Variants in GRID2 observed in about 807,000 individuals in gnomAD.
GRID2 encodes the protein glutamate ionotropic receptor delta type subunit 2.
Under a neutral mutation model 114.8 loss-of-function variants are expected in GRID2, and 33 were observed. The observed-to-expected ratio is 0.29, with a 90% CI of 0.22 to 0.38. The LOEUF (loss-of-function observed/expected upper bound fraction) is 0.38, where lower values mean the gene tolerates loss of function less well. Among genes scored for constraint, GRID2 ranks in the 10% least tolerant of loss-of-function variants. The probability of loss-of-function intolerance (pLI) is 1.00; values close to 1 mark genes in which losing one functional copy is unlikely to be tolerated. For missense variants in GRID2, 1,184 were observed against 1,257.7 expected (o/e 0.94, Z 0.89); for synonymous variants, 505 against 449.9 (o/e 1.12, Z -1.55).
chr4:93,056,689 G>T (rs1022343242), intron 2 of GRID2, among the ~76,000 whole-genome samples: 4 of 151,960 alleles, frequency 2.6e-5, no homozygotes, highest in African/African-American at 9.6e-5. Context: ...ATTCGTGCAT[G>T]ATAAATATAT....
At chr4:92,758,426 T>G (rs1222400120) in intron 2 of GRID2, among the ~76,000 whole-genome samples, 1 of 152,166 alleles carries the variant, frequency 6.6e-6, no homozygotes, top group Non-Finnish European at 1.5e-5. Context: ...AAGTCTTGTT[T>G]AATATATTTT....
At chr4:93,437,989 G>T (rs899202554) in intron 10 of GRID2, among the ~76,000 whole-genome samples, 4 of 152,090 alleles carry the variant, frequency 2.6e-5, no homozygotes, top group Admixed American at 2.6e-4. Context: ...GAGATGGAGG[G>T]AGAGAGAGAC....
At chr4:93,786,645 T>C (rs554254225) in intron 1 of GRID2, among the ~76,000 whole-genome samples, 1 of 152,288 alleles carries the variant, frequency 6.6e-6, no homozygotes, top group East Asian at 1.9e-4. Context: ...TTCTACAAGA[T>C]GGAGGAAGCA....
chr4:93,702,097 A>T (rs75466055), intron 14 of GRID2, among the ~76,000 whole-genome samples: 10,142 of 152,034 alleles, frequency 0.067, 353 homozygotes, highest in Middle Eastern at 0.092. Flanking sequence ...TTATTATGAA[A>T]TCGACTCTTG....
rs5860292 is a variant in GRID2 at position 92,815,914 on chromosome 4, CAAAAAAAAAAAAAAA to C, written c.244+225638_244+225652del. Among the ~76,000 whole-genome samples, 4 of 46,864 alleles carry C rather than the reference CAAAAAAAAAAAAAAA, an allele frequency of 8.5e-5. No homozygotes were observed. In the East Asian group the frequency reaches 3.2e-3, roughly 38 times the overall value. The allele number at this position is 46,864 out of a possible 152,430, so 30.7% of individuals were successfully genotyped here. The stretch of plus-strand genomic sequence containing the variant: ...AAGGTGACAGTGCATGACCCTGTCT[CAAAAAAAAAAAAAAA>C]AAAAAAAAAGGAAAGAAAAAAACAA... On this transcript the variant is annotated intron_variant, in intron 2 of 15. Transcript: ENST00000282020.
chr4:92,638,473 TATATA>T (rs1731182649), intron 2 of GRID2, among the ~76,000 whole-genome samples: 1 of 147,588 alleles, frequency 6.8e-6, no homozygotes. Flanking sequence ...ATATGTATAA[TATATA>T]ATATATAAAA....
intron 10 of GRID2, among the ~76,000 whole-genome samples, chr4:93,437,929 T>A (rs1051910825): frequency 5.9e-5 from 9 of 152,092 alleles, no homozygotes; most frequent in African/African-American, 2.2e-4. Flanking sequence ...TATATCTACA[T>A]CTATATCTAT....
intron 2 of GRID2, among the ~76,000 whole-genome samples, chr4:92,974,599 C>G (rs1753733705): frequency 6.6e-6 from 1 of 151,730 alleles, no homozygotes; most frequent in Non-Finnish European, 1.5e-5. Context: ...AGAAAACCAT[C>G]TGCATGTTCT....
chr4:92,740,244 C>A (rs768276021), intron 2 of GRID2, among the ~76,000 whole-genome samples: 2 of 152,170 alleles, frequency 1.3e-5, no homozygotes, highest in Non-Finnish European at 2.9e-5. Context: ...TCAAGGAAAG[C>A]AAATTGTCCT....
intron 13 of GRID2, among the ~76,000 whole-genome samples, chr4:93,607,670 T>C (rs1415356293): frequency 1.3e-5 from 2 of 152,154 alleles, no homozygotes; most frequent in Non-Finnish European, 2.9e-5. Context: ...GAGAGTACAC[T>C]TCTCCATACA....
At chr4:93,107,860 A>G (rs1214264855) in intron 3 of GRID2, among the ~76,000 whole-genome samples, 1 of 152,088 alleles carries the variant, frequency 6.6e-6, no homozygotes, top group Non-Finnish European at 1.5e-5. Flanking sequence ...CTGCTCACAT[A>G]TCCAGTCATC....
At chr4:92,567,083 A>G (rs1727372583) in intron 1 of GRID2, among the ~76,000 whole-genome samples, 1 of 152,030 alleles carries the variant, frequency 6.6e-6, no homozygotes, top group Non-Finnish European at 1.5e-5. Flanking sequence ...ATTGTTCACT[A>G]CTTCACTTGC....
At chr4:93,579,233 A>T (rs1204894590) in intron 13 of GRID2, among the ~76,000 whole-genome samples, 1 of 152,128 alleles carries the variant, frequency 6.6e-6, no homozygotes, top group Non-Finnish European at 1.5e-5. Context: ...GGCTCTGAAC[A>T]TTCCAAACCG....
At chr4:92,900,051 G>C (rs1222193953) in intron 2 of GRID2, among the ~76,000 whole-genome samples, 1 of 152,122 alleles carries the variant, frequency 6.6e-6, no homozygotes, top group African/African-American at 2.4e-5. Flanking sequence ...CAGCTGAAGG[G>C]TAAATAGTGA....
intron 2 of GRID2, among the ~76,000 whole-genome samples, chr4:92,942,224 A>G (rs554756761): frequency 1.3e-5 from 2 of 152,100 alleles, no homozygotes; most frequent in Non-Finnish European, 2.9e-5. Context: ...GTAGGTCACT[A>G]AGGACTTGCT....
intron 2 of GRID2, among the ~76,000 whole-genome samples, chr4:93,030,722 A>C (rs936890005): frequency 6.6e-6 from 1 of 152,172 alleles, no homozygotes; most frequent in Admixed American, 6.5e-5. Context: ...GCATCTACAA[A>C]CAGACCTCTT....
At chr4:93,344,429 C>G (rs58185764) in intron 8 of GRID2, among the ~76,000 whole-genome samples, 1 of 151,660 alleles carries the variant, frequency 6.6e-6, no homozygotes, top group Non-Finnish European at 1.5e-5. Flanking sequence ...TTTCCCCCCT[C>G]AGCTTTATTA....
chr4:92,695,445 T>C (rs1433974647), intron 2 of GRID2, among the ~76,000 whole-genome samples: 1 of 152,078 alleles, frequency 6.6e-6, no homozygotes, highest in Admixed American at 6.6e-5. Flanking sequence ...CTTACCAGAA[T>C]GAAAATGAAA....
intron 14 of GRID2, among the ~76,000 whole-genome samples, chr4:93,735,346 C>G (rs1013178921): frequency 5.9e-5 from 9 of 151,960 alleles, no homozygotes; most frequent in African/African-American, 2.2e-4. Context: ...TTACCCCTAC[C>G]TTCTGTACTG....
Sources: allele counts gnomAD v4.1 joint callset (sites outside exome capture counted in the v4.1 genomes callset), GRCh38; gene constraint gnomAD v4.1.1; transcripts MANE v1.5; gene names NCBI Gene and HGNC (gene_info 2026-07-23, HGNC 2026-07-21).